The following PRKCA variants were observed in gnomAD, a reference collection of about 807,000 sequenced individuals.
The protein encoded by PRKCA is protein kinase C alpha type.
Under a neutral mutation model 87.0 loss-of-function variants are expected in PRKCA, and 27 were observed. That is an observed-to-expected ratio of 0.31 (90% confidence interval 0.23 to 0.43). The LOEUF (loss-of-function observed/expected upper bound fraction) is 0.43, where lower values mean the gene tolerates loss of function less well. Among genes scored for constraint, PRKCA ranks in the 20% least tolerant of loss-of-function variants. The pLI is 1.00. For synonymous variants in PRKCA, 329 were observed against 311.1 expected, an observed-to-expected ratio of 1.06 and a Z score of -0.61; for missense variants, 518 against 852.3, an observed-to-expected ratio of 0.61 and a Z score of 4.88.
chr17:66,770,498 A>G (rs1049512135), intron 13 of PRKCA, among the ~76,000 whole-genome samples: 3 of 152,250 alleles, frequency 2.0e-5, no homozygotes, highest in Non-Finnish European at 4.4e-5. Context: ...CAGTGATTAC[A>G]ATGGCACCAG....
intron 1 of PRKCA, 128 bp downstream of exon 1, chr17:66,303,152 C>T: frequency 7.7e-7 from 1 of 1,298,262 alleles, no homozygotes; most frequent in Non-Finnish European, 1.0e-6. Context: ...AGTCCGAACT[C>T]TTCGCCCGGA....
chr17:66,377,656 AT>A (rs1315591348), intron 2 of PRKCA, among the ~76,000 whole-genome samples: 1 of 139,520 alleles, frequency 7.2e-6, no homozygotes, highest in Non-Finnish European at 1.5e-5. Context: ...TAATGTCTAT[AT>A]TATATATATA....
At chr17:66,802,583 A>C (rs1270811907) in intron 16 of PRKCA, among the ~76,000 whole-genome samples, 1 of 152,110 alleles carries the variant, frequency 6.6e-6, no homozygotes, top group African/African-American at 2.4e-5. Context: ...AGTGTGAAAA[A>C]AGAGCTGAGA....
chr17:66,626,197 C>CTTT (rs1365992383), intron 3 of PRKCA, among the ~76,000 whole-genome samples: 2 of 148,742 alleles, frequency 1.3e-5, no homozygotes, highest in Non-Finnish European at 1.5e-5. Context: ...TCCTCTTTTT[C>CTTT]TTTTCTTTTT....
intron 8 of PRKCA, among the ~76,000 whole-genome samples, chr17:66,729,222 C>T (rs891138629): frequency 4.0e-5 from 6 of 151,884 alleles, no homozygotes; most frequent in Non-Finnish European, 5.9e-5. Flanking sequence ...GCCAACACAG[C>T]GAAACCCCAT....
At chr17:66,446,031 C>G (rs1278489642) in intron 2 of PRKCA, among the ~76,000 whole-genome samples, 2 of 152,054 alleles carry the variant, frequency 1.3e-5, no homozygotes, top group African/African-American at 4.8e-5. Flanking sequence ...CCAGGCTGGT[C>G]TCAAACTCCT....
chr17:66,610,055 C>G (rs989060214), intron 3 of PRKCA, among the ~76,000 whole-genome samples: 4 of 152,188 alleles, frequency 2.6e-5, no homozygotes, highest in South Asian at 4.1e-4. Flanking sequence ...CACTGCCCCC[C>G]ACCATCCCTG....
At chr17:66,526,020 A>G (rs1209553009) in intron 3 of PRKCA, among the ~76,000 whole-genome samples, 1 of 152,216 alleles carries the variant, frequency 6.6e-6, no homozygotes, top group African/African-American at 2.4e-5. Flanking sequence ...GTTTAAAGAA[A>G]TGGTCTAAAA....
chr17:66,377,129 G>A (rs563151789), intron 2 of PRKCA, among the ~76,000 whole-genome samples: 130 of 152,190 alleles, frequency 8.5e-4, no homozygotes, highest in African/African-American at 2.7e-3. Flanking sequence ...AGGTTCAAGC[G>A]ATTTTCCTGC....
intron 2 of PRKCA, among the ~76,000 whole-genome samples, chr17:66,477,536 C>T (rs1441088346): frequency 2.0e-5 from 3 of 152,018 alleles, no homozygotes; most frequent in African/African-American, 7.2e-5. Context: ...CCCGTCTCTA[C>T]TAAAAATACA....
chr17:66,486,395 A>G (rs1598712456), intron 2 of PRKCA, among the ~76,000 whole-genome samples: 1 of 152,196 alleles, frequency 6.6e-6, no homozygotes, highest in East Asian at 1.9e-4. Flanking sequence ...CATCATCTGC[A>G]TCCTTCTAAG....
At chr17:66,549,816 G>A (rs1160908439) in intron 3 of PRKCA, among the ~76,000 whole-genome samples, 1 of 152,120 alleles carries the variant, frequency 6.6e-6, no homozygotes, top group East Asian at 1.9e-4. Context: ...CCCCTTTTTA[G>A]TGGTCAGTGG....
chr17:66,530,202 A>T (rs1967492424), intron 3 of PRKCA, among the ~76,000 whole-genome samples: 1 of 152,224 alleles, frequency 6.6e-6, no homozygotes, highest in African/African-American at 2.4e-5. Context: ...GATACAACCT[A>T]AGTACATTCA....
At chr17:66,581,537 A>G (rs1393613707) in intron 3 of PRKCA, among the ~76,000 whole-genome samples, 2 of 152,106 alleles carry the variant, frequency 1.3e-5, no homozygotes, top group African/African-American at 4.8e-5. Context: ...GTGCAGTGGC[A>G]CAATCTTGGC....
intron 14 of PRKCA, among the ~76,000 whole-genome samples, chr17:66,781,677 C>T (rs1362196529): frequency 6.6e-6 from 1 of 151,992 alleles, no homozygotes; most frequent in Non-Finnish European, 1.5e-5. Flanking sequence ...TGAATGGTGG[C>T]TGTCAGGGGC....
intron 2 of PRKCA, among the ~76,000 whole-genome samples, chr17:66,388,628 G>A (rs1910196398): frequency 6.6e-6 from 1 of 152,246 alleles, no homozygotes; most frequent in East Asian, 1.9e-4. Flanking sequence ...AGTTCTCTTG[G>A]AGAATTTGGG....
At chr17:66,794,624 G>GTT (rs71367182) in intron 16 of PRKCA, among the ~76,000 whole-genome samples, 82 of 136,892 alleles carry the variant, frequency 6.0e-4, no homozygotes, top group East Asian at 2.7e-3. Context: ...GGGGTTTTTT[G>GTT]TTTTTTTTTT....
chr17:66,555,083 G>C (rs1054146522), intron 3 of PRKCA, among the ~76,000 whole-genome samples: 3 of 152,046 alleles, frequency 2.0e-5, no homozygotes, highest in African/African-American at 7.2e-5. Flanking sequence ...TCACCCTGTT[G>C]CCCAGGCTCG....
chr17:66,574,792 C>A (rs1969184785), intron 3 of PRKCA, among the ~76,000 whole-genome samples: 1 of 151,464 alleles, frequency 6.6e-6, no homozygotes, highest in Non-Finnish European at 1.5e-5. Context: ...GGATACCCAA[C>A]CTGTACTATG....
Sources: gnomAD v4.1 joint callset for allele counts (sites outside exome capture counted in the v4.1 genomes callset) on GRCh38, gnomAD v4.1.1 for gene constraint, MANE v1.5 for transcripts, NCBI Gene and HGNC (gene_info 2026-07-23, HGNC 2026-07-21) for gene names.